Variants in KSR2 observed in about 807,000 individuals in gnomAD.
KSR2 encodes the protein kinase suppressor of ras 2.
Under a neutral mutation model 107.8 loss-of-function variants are expected in KSR2, and 25 were observed. The observed-to-expected ratio is 0.23, with a 90% CI of 0.17 to 0.32. The LOEUF (loss-of-function observed/expected upper bound fraction) is 0.32, where lower values mean the gene tolerates loss of function less well. KSR2 is among the 10% of genes least tolerant of loss of function. The probability of loss-of-function intolerance (pLI) is 1.00; values close to 1 mark genes in which losing one functional copy is unlikely to be tolerated. For missense variants in KSR2, 887 were observed against 1,268.9 expected (o/e 0.70, Z 4.57); for synonymous variants, 480 against 507.0 (o/e 0.95, Z 0.71).
intron 10 of KSR2, among the ~76,000 whole-genome samples, chr12:117,535,534 A>G (rs1245920949): frequency 6.6e-6 from 1 of 151,998 alleles, no homozygotes; most frequent in Non-Finnish European, 1.5e-5. Context: ...AATCCTGCAA[A>G]TTCCACCAAA....
chr12:117,656,338 G>A (rs879486780), intron 5 of KSR2, among the ~76,000 whole-genome samples: 7 of 152,190 alleles, frequency 4.6e-5, no homozygotes, highest in Non-Finnish European at 8.8e-5. Flanking sequence ...GGCCAGGCAT[G>A]GTGGCTCACG....
Position 117,905,122 on chromosome 12 carries a change from C to G in KSR2, c.181-44691G>C, listed in dbSNP as rs577564137. On this transcript the variant is annotated intron_variant, in intron 1 of 19. Transcript: ENST00000339824. ...GCTTGAACCTGGGAGGCGGAGGTTG[C>G]AGTGAGCCAAGATCACACCACTGCA... Among the ~76,000 whole-genome samples, 5 of 152,272 alleles carry G rather than the reference C, an allele frequency of 3.3e-5. No individual in the cohort carries two copies. In the East Asian group the frequency reaches 9.7e-4, roughly 29 times the overall value.
At chr12:117,678,103 T>G (rs1197919369) in intron 4 of KSR2, among the ~76,000 whole-genome samples, 2 of 6,178 alleles carry the variant, frequency 3.2e-4, no homozygotes, top group African/African-American at 1.1e-3. Context: ...GCCCAGCTAA[T>G]TTTTTTTTTT....
chr12:117,476,594 G>T lies in KSR2; in HGVS notation c.2452C>A (p.Arg818=). The part of the protein sequence containing the change: ...SISGVLQAGR[R]EDKLRIQNGW... ...TTCTGGATGCGCAGTTTGTCCTCCCGCCTGGAGAAGCAAAGCACAGGATGA... is the reference window on the plus strand; with the variant it reads ...TTCTGGATGCGCAGTTTGTCCTCCCTCCTGGAGAAGCAAAGCACAGGATGA... Residue 818 remains arginine (R), a splice_region_variant and synonymous_variant, in exon 17 of 20, where the codon CGG becomes AGG. Transcript: ENST00000339824. The T allele has an allele frequency of 6.2e-7, 1 of 1,609,084 alleles. No homozygotes were observed.
At chr12:117,624,826 C>T (rs1882386815) in intron 5 of KSR2, among the ~76,000 whole-genome samples, 1 of 152,156 alleles carries the variant, frequency 6.6e-6, no homozygotes, top group Non-Finnish European at 1.5e-5. Flanking sequence ...TTGATTCTTC[C>T]TATCCATGAG....
chr12:117,861,548 C>T, intron 1 of KSR2, among the ~76,000 whole-genome samples: 1 of 146,424 alleles, frequency 6.8e-6, no homozygotes. Context: ...GCCACCACAC[C>T]CGGCTAATTT....
chr12:117,489,479 A>T (rs11068510), intron 14 of KSR2, among the ~76,000 whole-genome samples: 32,768 of 150,488 alleles, frequency 0.22, 3,961 homozygotes, highest in East Asian at 0.51. Context: ...TCCAGGAGGC[A>T]GAGGCTGCAG....
At chr12:117,855,379 G>C in intron 3 of KSR2, 49 bp downstream of exon 3, 2 of 1,610,022 alleles carry the variant, frequency 1.2e-6, no homozygotes, top group Non-Finnish European at 1.7e-6. Context: ...GACCGCGGCA[G>C]CTGTGCTGGG....
intron 5 of KSR2, among the ~76,000 whole-genome samples, chr12:117,612,985 C>T (rs1234501699): frequency 6.6e-6 from 1 of 152,182 alleles, no homozygotes; most frequent in Non-Finnish European, 1.5e-5. Context: ...ACTTCCCCAG[C>T]CATGTGGAAC....
intron 1 of KSR2, among the ~76,000 whole-genome samples, chr12:117,962,594 G>A (rs1346521461): frequency 4.6e-5 from 7 of 151,454 alleles, no homozygotes. Context: ...ACAGGTACCC[G>A]CTGCCATGCC....
intron 1 of KSR2, 49 bp from the exon 2 acceptor site, chr12:117,860,480 A>G: frequency 6.5e-7 from 1 of 1,546,614 alleles, no homozygotes; most frequent in South Asian, 1.2e-5. Context: ...AGGCAGTGAC[A>G]CAAGGAAGAG....
chr12:117,765,075 A>G (rs2136887584), intron 3 of KSR2, among the ~76,000 whole-genome samples: 1 of 152,340 alleles, frequency 6.6e-6, no homozygotes, highest in East Asian at 1.9e-4. Flanking sequence ...CCCTTTGTAC[A>G]GTGAGGAAGT....
intron 3 of KSR2, among the ~76,000 whole-genome samples, chr12:117,813,127 A>G (rs896524406): frequency 3.3e-5 from 5 of 152,146 alleles, no homozygotes; most frequent in African/African-American, 1.2e-4. Flanking sequence ...CAGTACAAAA[A>G]TCAACTCAAA....
intron 1 of KSR2, among the ~76,000 whole-genome samples, chr12:117,896,893 C>T (rs1350020509): frequency 6.6e-6 from 1 of 152,112 alleles, no homozygotes; most frequent in Non-Finnish European, 1.5e-5. Flanking sequence ...AATGCAGTCT[C>T]CATCTTTATA....
intron 4 of KSR2, among the ~76,000 whole-genome samples, chr12:117,680,930 G>A (rs964750870): frequency 1.3e-5 from 2 of 152,090 alleles, no homozygotes; most frequent in African/African-American, 2.4e-5. Context: ...ATATCCTGAT[G>A]GGGGAATACA....
rs1012203442 is a variant in KSR2 at position 117,761,622 on chromosome 12, C to A, written c.473-98G>T. The A allele has an allele frequency of 3.1e-5, 35 of 1,143,330 alleles. No individual in the cohort carries two copies. In the South Asian group the frequency reaches 4.3e-4, roughly 14 times the overall value. 70.8% of individuals were successfully genotyped at this position (1,143,330 alleles called of 1,614,324 possible). A position where few individuals can be genotyped will look rare whatever the true frequency, so the allele number is the denominator to read the frequency against. Reference sequence around the variant, plus strand: ...ATTACATCATACACACATTACACCACGTGCCCATTACATCATGTGCATGTT... The same window carrying A: ...ATTACATCATACACACATTACACCAAGTGCCCATTACATCATGTGCATGTT... On this transcript the variant is annotated intron_variant, in intron 3 of 19. Transcript: ENST00000339824.
Position 117,460,150 on chromosome 12 carries a change from G to A in KSR2, c.*7049C>T, listed in dbSNP as rs1020964292. The A allele has an allele frequency of 6.6e-6, 1 of 152,216 alleles. No homozygotes were observed. The highest frequency in any genetic ancestry group is 1.5e-5 in the Non-Finnish European group (1 of 68,040). 9.4% of individuals were successfully genotyped at this position (152,216 alleles called of 1,614,324 possible). ...TTTCCATGGAATGAAAGGTCTATGG[G>A]ACATGCTTGGGAAACAAGGTCTTAT... is the stretch of plus-strand genomic sequence containing the variant. On this transcript the variant is annotated 3_prime_UTR_variant, in exon 20 of 20. Coordinates refer to ENST00000339824, the MANE Select transcript of KSR2 (RefSeq NM_173598.6).
At chr12:117,668,479 C>CTCTT (rs1884760997) in intron 4 of KSR2, among the ~76,000 whole-genome samples, 4 of 152,156 alleles carry the variant, frequency 2.6e-5, no homozygotes, top group Admixed American at 1.3e-4. Flanking sequence ...GACAAGGGAC[C>CTCTT]CTGGGTGCCC....
chr12:117,770,075 C>T (rs1889382207), intron 3 of KSR2, among the ~76,000 whole-genome samples: 1 of 151,666 alleles, frequency 6.6e-6, no homozygotes, highest in African/African-American at 2.4e-5. Context: ...AAAGAATCAT[C>T]CAGTCCTTAT....
Sources: allele counts gnomAD v4.1 joint callset (sites outside exome capture counted in the v4.1 genomes callset), GRCh38; gene constraint gnomAD v4.1.1; transcripts MANE v1.5; gene names NCBI Gene and HGNC (gene_info 2026-07-23, HGNC 2026-07-21).